The following ACADM variants were observed in gnomAD, a reference collection of about 807,000 sequenced individuals.
The protein encoded by ACADM is acyl-CoA dehydrogenase medium chain, also known as medium-chain specific acyl-CoA dehydrogenase, mitochondrial.
Under a neutral mutation model 58.9 loss-of-function variants are expected in ACADM, and 49 were observed. The ratio of observed to expected loss-of-function variants is 0.83; its 90% confidence interval spans 0.66 to 1.06. The LOEUF (loss-of-function observed/expected upper bound fraction) is 1.06, where lower values mean the gene tolerates loss of function less well. ACADM is among the 50% of genes least tolerant of loss of function. The pLI is 0.00. For synonymous variants in ACADM, 160 were observed against 157.7 expected, an observed-to-expected ratio of 1.01 and a Z score of -0.11; for missense variants, 496 against 507.0, an observed-to-expected ratio of 0.98 and a Z score of 0.21.
At chr1:75,739,549 G>T (rs1429931047) in intron 6 of ACADM, among the ~76,000 whole-genome samples, 2 of 152,116 alleles carry the variant, frequency 1.3e-5, no homozygotes, top group East Asian at 3.8e-4. Flanking sequence ...CATACCTGTA[G>T]TCCCAGCACT....
chr1:75,751,117 G>A lies in ACADM; in HGVS notation c.945+571G>A, dbSNP rs1481862318. Among the ~76,000 whole-genome samples the A allele has an allele frequency of 6.0e-5, 9 of 150,478 alleles. No individual in the cohort carries two copies. The East Asian group carries it at 1.0e-3, about 17-fold the overall frequency. On this transcript the variant is annotated intron_variant, in intron 10 of 11. Transcript: ENST00000370841. ...AGCACTTTGGGAGGCTGAGGCGGGC[G>A]GATCATGAGGTCAGGAGATCAAGAC...
intron 6 of ACADM, among the ~76,000 whole-genome samples, 153 bp from the exon 7 acceptor site, chr1:75,739,827 G>A (rs1020610864): frequency 1.3e-5 from 2 of 152,082 alleles, no homozygotes; most frequent in Non-Finnish European, 2.9e-5. Context: ...TTTTACATTT[G>A]AGTGGTTTCT....
chr1:75,735,340 G>A (rs1266253973), intron 6 of ACADM, among the ~76,000 whole-genome samples: 7 of 123,372 alleles, frequency 5.7e-5, no homozygotes, highest in Admixed American at 7.9e-5. Flanking sequence ...AAAAAAAAAA[G>A]GTGTCATCAT....
chr1:75,733,647 T>C lies in ACADM; in HGVS notation c.387+19T>C. 2 of 1,557,002 alleles carry C rather than the reference T, an allele frequency of 1.3e-6. No homozygotes were observed. Among genetic ancestry groups the C allele is most frequent in the Non-Finnish European group, 1.8e-6 (2 of 1,128,166 alleles). On this transcript the variant is annotated intron_variant, in intron 5 of 11. Coordinates refer to ENST00000370841, the MANE Select transcript of ACADM (RefSeq NM_000016.6). ...TTTGGGGGTAAGTGACTTAGAAAATTAACTACCTAACTCAGCTCTTGTTAA... is the reference window on the plus strand; with the variant it reads ...TTTGGGGGTAAGTGACTTAGAAAATCAACTACCTAACTCAGCTCTTGTTAA...
intron 10 of ACADM, among the ~76,000 whole-genome samples, chr1:75,757,027 A>C (rs997079495): frequency 3.9e-5 from 6 of 152,192 alleles, no homozygotes; most frequent in Admixed American, 6.5e-5. Flanking sequence ...CTGAAACTGG[A>C]TCCCTTCCTT....
chr1:75,748,885 C>T (rs948785980), intron 8 of ACADM, among the ~76,000 whole-genome samples: 4 of 129,622 alleles, frequency 3.1e-5, no homozygotes, highest in African/African-American at 1.4e-4. Context: ...CCTCAGTAAA[C>T]CTAATTTTAA....
intron 7 of ACADM, among the ~76,000 whole-genome samples, chr1:75,740,488 G>A (rs1647509235): frequency 6.6e-6 from 1 of 152,084 alleles, no homozygotes. Flanking sequence ...CCTGTCTCCA[G>A]ATGTCAGAAA....
Position 75,734,786 on chromosome 1 carries a change from G to A in ACADM, c.388-5G>A, listed in dbSNP as rs759254037. On this transcript the variant is annotated splice_polypyrimidine_tract_variant and splice_region_variant and intron_variant, in intron 5 of 11. Coordinates refer to ENST00000370841, the MANE Select transcript of ACADM (RefSeq NM_000016.6). ...TGATTTTTTAATGTCAATTTTCTTCGGTAGCAAATGCCTATTATTATTGCT... is the reference window on the plus strand; with the variant it reads ...TGATTTTTTAATGTCAATTTTCTTCAGTAGCAAATGCCTATTATTATTGCT... The A allele has an allele frequency of 7.5e-6, 12 of 1,608,420 alleles. No homozygotes were observed. Among genetic ancestry groups the A allele is most frequent in the African/African-American group, 6.7e-5 (5 of 74,654 alleles).
intron 10 of ACADM, chr1:75,750,751 A>ATTT: frequency 3.4e-5 from 17 of 504,298 alleles, no homozygotes; most frequent in East Asian, 7.2e-5. Context: ...TGTGCTATGC[A>ATTT]TTTTTTTTTT....
rs1200376333 is a variant in ACADM at position 75,733,263 on chromosome 1, AG to A, written c.287-264del. The A allele has an allele frequency of 3.1e-5, 45 of 1,432,116 alleles. No homozygotes were observed. The African/African-American group carries it at 5.2e-4, about 16-fold the overall frequency. The allele number at this position is 1,432,116 out of a possible 1,614,324, so 88.7% of individuals were successfully genotyped here. Reference sequence around the variant, plus strand: ...GATTCTTTTCCTCAGACCCAGTTTTAGAGTTGAATTGAGTTTTAACAAAATC... The same window carrying A: ...GATTCTTTTCCTCAGACCCAGTTTTAAGTTGAATTGAGTTTTAACAAAATC... On this transcript the variant is annotated intron_variant, in intron 4 of 11. Coordinates refer to ENST00000370841, the MANE Select transcript of ACADM (RefSeq NM_000016.6).
At chr1:75,728,002 C>A (rs2100345580) in intron 1 of ACADM, among the ~76,000 whole-genome samples, 1 of 152,210 alleles carries the variant, frequency 6.6e-6, no homozygotes, top group Non-Finnish European at 1.5e-5. Flanking sequence ...ATGGACTAGG[C>A]AACTCTTGAA....
chr1:75,742,699 A>G (rs1647645461), intron 7 of ACADM, among the ~76,000 whole-genome samples: 1 of 152,210 alleles, frequency 6.6e-6, no homozygotes, highest in African/African-American at 2.4e-5. Context: ...GATTGTGCCA[A>G]GATGAGTCTT....
intron 7 of ACADM, chr1:75,743,582 A>G (rs1211993491): frequency 3.2e-6 from 5 of 1,582,622 alleles, no homozygotes; most frequent in Non-Finnish European, 4.3e-6. Flanking sequence ...GGCTTGTCAA[A>G]GATGCCATGC....
At position 75,760,336 on chromosome 1, in the gene ACADM, C is replaced by T. The variant is rs1011752983; in HGVS notation, c.946-786C>T. Reference sequence around the variant, plus strand: ...ACTCGGGAGGCTGAGGCAGGAAAATCGCTTGAACCTGGGGGGCAGAGGTTG... The same window carrying T: ...ACTCGGGAGGCTGAGGCAGGAAAATTGCTTGAACCTGGGGGGCAGAGGTTG... On this transcript the variant is annotated intron_variant, in intron 10 of 11. Transcript: ENST00000370841. 4.1e-5 allele frequency among the ~76,000 whole-genome samples: 6 copies of T among 144,864 alleles called. 1 individual carries two copies. Among genetic ancestry groups the T allele is most frequent in the South Asian group, 4.5e-4 (2 of 4,466 alleles).
rs950738991 is a variant in ACADM, at chr1:75,751,790, C to T, written c.945+1244C>T. Reference sequence around the variant, plus strand: ...CTAGGATTACAGGCCTGAACCACTGCGCCTGGCCTATGTTATACTCTTAAT... The same window carrying T: ...CTAGGATTACAGGCCTGAACCACTGTGCCTGGCCTATGTTATACTCTTAAT... On this transcript the variant is annotated intron_variant, in intron 10 of 11. Transcript: ENST00000370841. Among the ~76,000 whole-genome samples the T allele has an allele frequency of 8.6e-5, 13 of 152,016 alleles. 1 individual carries two copies. Among genetic ancestry groups the T allele is most frequent in the Non-Finnish European group, 1.5e-4 (10 of 67,986 alleles).
intron 10 of ACADM, among the ~76,000 whole-genome samples, chr1:75,754,026 G>A (rs577226869): frequency 6.4e-4 from 95 of 148,556 alleles, no homozygotes; most frequent in African/African-American, 2.3e-3. Context: ...GAACTCCTGA[G>A]CTTGAGTAAT....
intron 7 of ACADM, chr1:75,745,391 T>G: frequency 5.6e-6 from 1 of 179,916 alleles, no homozygotes; most frequent in Non-Finnish European, 1.2e-5. Context: ...TCAGAAGAGG[T>G]GGAAGGATGG....
chr1:75,744,477 ATCT>A, intron 7 of ACADM: 1 of 1,533,072 alleles, frequency 6.5e-7, no homozygotes, highest in Non-Finnish European at 9.0e-7. Flanking sequence ...AAACCACTTC[ATCT>A]TCTGCAACTG....
chr1:75,732,840 C>A lies in ACADM; in HGVS notation c.217-13C>A. ...TTTCAAAATATATTTTAACTCAGTT[C>A]TTTTTCTTCTAGTATCCAGTCCCCC... On this transcript the variant is annotated splice_polypyrimidine_tract_variant and intron_variant, in intron 3 of 11. Coordinates refer to ENST00000370841, the MANE Select transcript of ACADM (RefSeq NM_000016.6). The A allele has an allele frequency of 6.2e-7, 1 of 1,611,960 alleles. No individual in the cohort carries two copies. The highest frequency in any genetic ancestry group is 1.1e-5 in the South Asian group (1 of 91,004).
Sources: allele counts gnomAD v4.1 joint callset (sites outside exome capture counted in the v4.1 genomes callset), GRCh38; gene constraint gnomAD v4.1.1; transcripts MANE v1.5; gene names NCBI Gene and HGNC (gene_info 2026-07-23, HGNC 2026-07-21).